DPP10: variants seen among roughly 807,000 people sequenced by gnomAD.
DPP10 encodes the protein inactive dipeptidyl peptidase 10.
A neutral mutation model predicts 120.9 loss-of-function variants in DPP10; 33 were observed. The ratio of observed to expected loss-of-function variants is 0.27; its 90% CI spans 0.21 to 0.37. The LOEUF (loss-of-function observed/expected upper bound fraction) is 0.37, where lower values mean the gene tolerates loss of function less well. DPP10 is among the 10% of genes least tolerant of loss of function. The probability of loss-of-function intolerance (pLI) is 1.00; values close to 1 mark genes in which losing one functional copy is unlikely to be tolerated. For synonymous variants in DPP10, 337 were observed against 326.1 expected (o/e 1.03, Z -0.36); for missense variants, 816 against 942.8 (o/e 0.87, Z 1.76).
chr2:115,206,222 T>G (rs2056116261), intron 1 of DPP10, among the ~76,000 whole-genome samples: 1 of 152,194 alleles, frequency 6.6e-6, no homozygotes, highest in Non-Finnish European at 1.5e-5. Context: ...GTCAGGTGAC[T>G]GGGCTGCTAC....
intron 1 of DPP10, among the ~76,000 whole-genome samples, chr2:115,271,143 G>T (rs1172954811): frequency 6.6e-6 from 1 of 152,164 alleles, no homozygotes; most frequent in East Asian, 1.9e-4. Context: ...CAACAAATTG[G>T]TGCTACAGGC....
intron 1 of DPP10, among the ~76,000 whole-genome samples, chr2:115,122,424 A>G (rs569896303): frequency 7.5e-4 from 114 of 152,290 alleles, no homozygotes; most frequent in Admixed American, 5.7e-3. Flanking sequence ...TCTCTGTCCT[A>G]CAGGTACTTT....
At chr2:115,567,557 G>A (rs889909983) in intron 5 of DPP10, among the ~76,000 whole-genome samples, 9 of 147,558 alleles carry the variant, frequency 6.1e-5, no homozygotes, top group South Asian at 4.2e-4. Flanking sequence ...TTACAACTGC[G>A]TAGGACTACA....
chr2:115,026,051 T>C (rs1247217605), intron 1 of DPP10, among the ~76,000 whole-genome samples: 1 of 152,172 alleles, frequency 6.6e-6, no homozygotes, highest in African/African-American at 2.4e-5. Context: ...TTATTTTTGC[T>C]TTTGTTGCCT....
At chr2:114,783,949 A>G (rs1470398922) in intron 1 of DPP10, among the ~76,000 whole-genome samples, 1 of 151,880 alleles carries the variant, frequency 6.6e-6, no homozygotes, top group Admixed American at 6.6e-5. Flanking sequence ...AAATCCTCCA[A>G]TGACCCATTT....
At chr2:114,768,810 T>A (rs747939401) in intron 1 of DPP10, among the ~76,000 whole-genome samples, 1 of 152,204 alleles carries the variant, frequency 6.6e-6, no homozygotes, top group Non-Finnish European at 1.5e-5. Flanking sequence ...AAGGTCGTTG[T>A]ACATTCAATA....
At chr2:115,342,741 A>T (rs546886527) in intron 2 of DPP10, among the ~76,000 whole-genome samples, 1 of 152,292 alleles carries the variant, frequency 6.6e-6, no homozygotes, top group South Asian at 2.1e-4. Context: ...ATACAATTAC[A>T]ATGTCTTATG....
intron 3 of DPP10, among the ~76,000 whole-genome samples, chr2:115,434,896 T>A (rs2071345518): frequency 6.6e-6 from 1 of 151,880 alleles, no homozygotes; most frequent in African/African-American, 2.4e-5. Context: ...AAATCCACTT[T>A]TTTAGCTTCC....
At chr2:114,488,653 C>T (rs1681722663) in intron 1 of DPP10, among the ~76,000 whole-genome samples, 1 of 152,152 alleles carries the variant, frequency 6.6e-6, no homozygotes, top group Admixed American at 6.6e-5. Flanking sequence ...TTTACATAGC[C>T]GTACGATAAT....
chr2:114,895,064 T>C (rs1692854209), intron 1 of DPP10, among the ~76,000 whole-genome samples: 1 of 152,196 alleles, frequency 6.6e-6, no homozygotes, highest in Non-Finnish European at 1.5e-5. Flanking sequence ...TCCTACTTCC[T>C]ATATAGTTGT....
chr2:114,658,602 T>C (rs555449716), intron 1 of DPP10, among the ~76,000 whole-genome samples: 1 of 152,312 alleles, frequency 6.6e-6, no homozygotes, highest in Admixed American at 6.5e-5. Context: ...TTCAGTTTTG[T>C]TTGTTTTTAC....
chr2:115,383,341 T>G (rs1409046585), intron 3 of DPP10, among the ~76,000 whole-genome samples: 17 of 152,222 alleles, frequency 1.1e-4, no homozygotes, highest in Admixed American at 1.1e-3. Context: ...TCTCTTCTCT[T>G]GTCTGCCACC....
At chr2:115,053,433 A>C (rs1474301924) in intron 1 of DPP10, among the ~76,000 whole-genome samples, 1 of 152,254 alleles carries the variant, frequency 6.6e-6, no homozygotes, top group African/African-American at 2.4e-5. Context: ...TCATGGAGAC[A>C]TAAAGCAGAT....
chr2:115,042,486 AAACTT>A (rs147989254), intron 1 of DPP10, among the ~76,000 whole-genome samples: 5,941 of 152,246 alleles, frequency 0.039, 165 homozygotes, highest in Middle Eastern at 0.099. Context: ...GGCTGATCTC[AAACTT>A]CTGGCCTCAA....
intron 3 of DPP10, among the ~76,000 whole-genome samples, chr2:115,480,457 A>G (rs1430973202): frequency 1.3e-5 from 2 of 152,076 alleles, no homozygotes; most frequent in East Asian, 3.9e-4. Context: ...CAAGTAGTTT[A>G]TTGAGATTGA....
intron 1 of DPP10, among the ~76,000 whole-genome samples, chr2:115,066,496 T>C (rs1706853228): frequency 1.3e-5 from 2 of 152,202 alleles, no homozygotes; most frequent in African/African-American, 2.4e-5. Context: ...GTCCATTAGA[T>C]GGCACAATTG....
intron 1 of DPP10, among the ~76,000 whole-genome samples, chr2:114,703,904 AG>A (rs1700530525): frequency 6.6e-6 from 1 of 152,152 alleles, no homozygotes; most frequent in Admixed American, 6.5e-5. Flanking sequence ...ACTTGGGACC[AG>A]CTATGAAAGA....
At chr2:115,161,870 C>A in intron 1 of DPP10, 2 of 1,282,100 alleles carry the variant, frequency 1.6e-6, no homozygotes, top group Non-Finnish European at 2.0e-6. Flanking sequence ...GAGCGACGGG[C>A]GCCCGTGACC....
At chr2:115,161,922 C>G in intron 1 of DPP10, 1 of 1,439,802 alleles carries the variant, frequency 6.9e-7, no homozygotes, top group Non-Finnish European at 9.1e-7. Context: ...CTGAAGCGCC[C>G]GCGAGGAAGC....
Sources: allele counts gnomAD v4.1 joint callset (sites outside exome capture counted in the v4.1 genomes callset), GRCh38; gene constraint gnomAD v4.1.1; transcripts MANE v1.5; gene names NCBI Gene and HGNC (gene_info 2026-07-23, HGNC 2026-07-21).